THADA: variants seen among roughly 807,000 people sequenced by gnomAD.
The protein encoded by THADA is THADA armadillo repeat containing, also known as tRNA (32-2'-O)-methyltransferase regulator THADA.
In THADA, 213 loss-of-function variants were observed where a neutral mutation model predicts 219.8. That is an observed-to-expected ratio of 0.97 (90% CI 0.87 to 1.09). THADA has a LOEUF of 1.09. Ranked by LOEUF, THADA falls within the 50% of genes least tolerant of loss-of-function variation. The pLI is 0.00. For synonymous variants in THADA, 1,018 were observed against 828.9 expected (o/e 1.23, Z -3.92); for missense variants, 2,956 against 2,311.3 (o/e 1.28, Z -5.72).
At chr2:43,557,311 A>G (rs1313257031) in intron 16 of THADA, among the ~76,000 whole-genome samples, 1 of 152,162 alleles carries the variant, frequency 6.6e-6, no homozygotes, top group Non-Finnish European at 1.5e-5. Flanking sequence ...TGTCCTGTAG[A>G]ATTTTGCTAT....
chr2:43,326,833 C>T (rs1035444423), intron 30 of THADA, among the ~76,000 whole-genome samples: 1 of 152,220 alleles, frequency 6.6e-6, no homozygotes, highest in African/African-American at 2.4e-5. Context: ...AGGGAATTCA[C>T]TTTGGACTTA....
chr2:43,320,987 C>T (rs1678638706), intron 30 of THADA, among the ~76,000 whole-genome samples: 1 of 152,150 alleles, frequency 6.6e-6, no homozygotes, highest in South Asian at 2.1e-4. Context: ...ATATGAAAAG[C>T]TGTATCTGTG....
chr2:43,338,414 C>T (rs1351521107), intron 30 of THADA, among the ~76,000 whole-genome samples: 1 of 152,260 alleles, frequency 6.6e-6, no homozygotes, highest in East Asian at 1.9e-4. Flanking sequence ...ACCTCGGCCT[C>T]CCAAAGTGCT....
At chr2:43,350,577 A>G (rs971391141) in intron 29 of THADA, among the ~76,000 whole-genome samples, 8 of 152,224 alleles carry the variant, frequency 5.3e-5, no homozygotes, top group African/African-American at 1.7e-4. Flanking sequence ...CTTACTGGGT[A>G]TAAGTACCTA....
intron 36 of THADA, among the ~76,000 whole-genome samples, chr2:43,246,946 T>C (rs998075508): frequency 6.6e-6 from 1 of 152,162 alleles, no homozygotes; most frequent in East Asian, 1.9e-4. Flanking sequence ...TTCAGGAACA[T>C]GCCAAGGAAG....
chr2:43,435,065 C>T (rs921435177), intron 26 of THADA, among the ~76,000 whole-genome samples: 7 of 152,196 alleles, frequency 4.6e-5, no homozygotes, highest in Admixed American at 4.6e-4. Flanking sequence ...GAGGGGGACT[C>T]ACACACCCTG....
At chr2:43,381,038 C>A (rs757196922) in intron 29 of THADA, among the ~76,000 whole-genome samples, 5 of 135,118 alleles carry the variant, frequency 3.7e-5, no homozygotes, top group Non-Finnish European at 7.6e-5. Flanking sequence ...GCAGAGGCTG[C>A]AGTGAGCCAA....
At chr2:43,417,569 A>C (rs1381340694) in intron 28 of THADA, among the ~76,000 whole-genome samples, 1 of 152,228 alleles carries the variant, frequency 6.6e-6, no homozygotes, top group Non-Finnish European at 1.5e-5. Flanking sequence ...ACTGCCAACG[A>C]AATGCCCAAG....
intron 26 of THADA, among the ~76,000 whole-genome samples, chr2:43,432,134 G>T (rs1679432138): frequency 7.0e-6 from 1 of 142,414 alleles, no homozygotes; most frequent in Admixed American, 6.8e-5. Flanking sequence ...GGGATTACAG[G>T]CGTGAGCCAC....
chr2:43,253,270 T>C (rs1572784434), intron 36 of THADA, among the ~76,000 whole-genome samples: 1 of 151,644 alleles, frequency 6.6e-6, no homozygotes, highest in Non-Finnish European at 1.5e-5. Flanking sequence ...ATGGGGGAGG[T>C]ATAAGGTGCT....
intron 31 of THADA, among the ~76,000 whole-genome samples, chr2:43,306,430 A>G (rs1188698726): frequency 6.6e-6 from 1 of 152,156 alleles, no homozygotes; most frequent in Admixed American, 6.5e-5. Flanking sequence ...CTTCTCTTCC[A>G]CACTTAGTCC....
chr2:43,582,934 G>A (rs971828675), intron 7 of THADA, among the ~76,000 whole-genome samples: 20 of 152,006 alleles, frequency 1.3e-4, no homozygotes, highest in African/African-American at 4.6e-4. Context: ...ACTCCTTCTC[G>A]GATACCTTCA....
chr2:43,307,268 G>C (rs1442006374), intron 31 of THADA, among the ~76,000 whole-genome samples: 1 of 152,224 alleles, frequency 6.6e-6, no homozygotes, highest in Non-Finnish European at 1.5e-5. Flanking sequence ...TCTTGGCTCA[G>C]TTGAAACGAT....
intron 29 of THADA, among the ~76,000 whole-genome samples, chr2:43,395,588 T>G (rs963429747): frequency 3.9e-5 from 6 of 152,202 alleles, no homozygotes; most frequent in African/African-American, 1.4e-4. Flanking sequence ...CAAGACAAAT[T>G]ATTTTCAAGT....
intron 31 of THADA, among the ~76,000 whole-genome samples, chr2:43,318,211 A>T (rs961922833): frequency 6.9e-5 from 10 of 144,372 alleles, no homozygotes; most frequent in African/African-American, 1.3e-4. Context: ...GGCTAATTAA[A>T]TTTTTTTTTT....
intron 35 of THADA, among the ~76,000 whole-genome samples, chr2:43,283,555 T>C (rs534471004): frequency 4.6e-5 from 7 of 152,346 alleles, no homozygotes; most frequent in Admixed American, 2.0e-4. Context: ...GAGGAACTTA[T>C]TGGGAACTGA....
chr2:43,350,209 A>T (rs551742123), intron 29 of THADA, among the ~76,000 whole-genome samples: 4 of 152,220 alleles, frequency 2.6e-5, no homozygotes, highest in Admixed American at 6.5e-5. Context: ...GCAGGCAGGC[A>T]GAAGTATTTT....
intron 28 of THADA, among the ~76,000 whole-genome samples, chr2:43,399,861 C>G (rs1674580803): frequency 6.6e-6 from 1 of 150,670 alleles, no homozygotes; most frequent in Non-Finnish European, 1.5e-5. Flanking sequence ...CGGGGAGAAA[C>G]TTCATTTGAC....
intron 29 of THADA, among the ~76,000 whole-genome samples, chr2:43,382,099 A>C (rs1672104842): frequency 1.3e-5 from 2 of 152,226 alleles, no homozygotes; most frequent in Admixed American, 6.5e-5. Context: ...ACATGAAAAA[A>C]AGCAGGAGAA....
Sources: allele counts gnomAD v4.1 joint callset (sites outside exome capture counted in the v4.1 genomes callset), GRCh38; gene constraint gnomAD v4.1.1; transcripts MANE v1.5; gene names NCBI Gene and HGNC (gene_info 2026-07-23, HGNC 2026-07-21).